Variants in SPRR2E observed in about 807,000 individuals in gnomAD.
SPRR2E encodes small proline-rich protein 2E.
For synonymous variants in SPRR2E, 20 were observed against 32.2 expected (o/e 0.62, Z 1.28); for missense variants, 68 against 87.1 (o/e 0.78, Z 0.87).
In SPRR2E at chr1:153,093,482, G is replaced by C. The variant is rs748356877; in HGVS notation, c.*51C>G. Reference sequence around the variant, plus strand: ...AGATGCAGGTGAAGCTGTGGAACAAGGTGAGCCAATTATCCTTATCCTTTC... The same window carrying C: ...AGATGCAGGTGAAGCTGTGGAACAACGTGAGCCAATTATCCTTATCCTTTC... On this transcript the variant is annotated 3_prime_UTR_variant, in exon 2 of 2. Transcript: ENST00000368750. The C allele has an allele frequency of 3.8e-6, 6 of 1,586,170 alleles. No individual in the cohort carries two copies. The highest frequency in any genetic ancestry group is 5.1e-6 in the Non-Finnish European group (6 of 1,165,768).
chr1:153,093,808 C>A (rs1211831902), intron 1 of SPRR2E, 38 bp from the exon 2 acceptor site: 12 of 1,609,644 alleles, frequency 7.5e-6, no homozygotes, highest in African/African-American at 4.0e-5. Flanking sequence ...CAGGAATGGA[C>A]TCCTCCAGAG....
chr1:153,093,496 C>T lies in SPRR2E; in HGVS notation c.*37G>A. 2 of 1,600,982 alleles carry T rather than the reference C, an allele frequency of 1.2e-6. No homozygotes were observed. Among genetic ancestry groups the T allele is most frequent in the Non-Finnish European group, 1.7e-6 (2 of 1,174,092 alleles). On this transcript the variant is annotated 3_prime_UTR_variant, in exon 2 of 2. Coordinates refer to ENST00000368750, the MANE Select transcript of SPRR2E (RefSeq NM_001024209.4). The stretch of plus-strand genomic sequence containing the variant: ...CTGTGGAACAAGGTGAGCCAATTAT[C>T]CTTATCCTTTCATGCTCCTGATGAA...
chr1:153,094,015 A>G (rs1370311922), intron 1 of SPRR2E, among the ~76,000 whole-genome samples: 3 of 152,242 alleles, frequency 2.0e-5, no homozygotes, highest in Non-Finnish European at 4.4e-5. Context: ...TAAAGAAGCA[A>G]GCATGTTATT....
chr1:153,093,509 T>A lies in SPRR2E; in HGVS notation c.*24A>T. On this transcript the variant is annotated 3_prime_UTR_variant, in exon 2 of 2. Coordinates refer to ENST00000368750, the MANE Select transcript of SPRR2E (RefSeq NM_001024209.4). Reference sequence around the variant, plus strand: ...TGAGCCAATTATCCTTATCCTTTCATGCTCCTGATGAATTCTGAAGCTGTT... The same window carrying A: ...TGAGCCAATTATCCTTATCCTTTCAAGCTCCTGATGAATTCTGAAGCTGTT... 6.2e-7 allele frequency: 1 copy of A among 1,608,000 alleles called. No individual in the cohort carries two copies. The highest frequency in any genetic ancestry group is 1.1e-5 in the South Asian group (1 of 90,060).
Position 153,093,646 on chromosome 1 carries a change from A to C in SPRR2E, c.106T>G (p.Cys36Gly), listed in dbSNP as rs753006798. ...GGCTGTGGACACTTTGGTGGTGGGCAGGGCTCAGGGCACTTCGGGGGTGGA... is the reference window on the plus strand; with the variant it reads ...GGCTGTGGACACTTTGGTGGTGGGCCGGGCTCAGGGCACTTCGGGGGTGGA... ...PCPPPKCPEP[C>G]PPPKCPQPCP... Residue 36 changes from cysteine to glycine, a missense_variant, in exon 2 of 2, where the codon TGC (cysteine) becomes GGC (glycine). Cys to Gly is a radical substitution (Grantham distance 159). Coordinates refer to ENST00000368750, the MANE Select transcript of SPRR2E (RefSeq NM_001024209.4). The C allele has an allele frequency of 3.7e-6, 6 of 1,612,310 alleles. No homozygotes were observed. In the African/African-American group the frequency reaches 8.0e-5, roughly 22 times the overall value.
rs151014790 is a variant in SPRR2E at position 153,093,890 on chromosome 1, A to G, written c.-19-120T>C. ...TCTCCAAAAATTTATTTAAACTCTT[A>G]GCTCTCTTTTCATGACTTCCTGTCT... On this transcript the variant is annotated intron_variant, in intron 1 of 1. Transcript: ENST00000368750. The G allele has an allele frequency of 8.7e-3, 11,581 of 1,331,428 alleles. 77 individuals carry two copies. The highest frequency in any genetic ancestry group is 0.01 in the Non-Finnish European group (10,139 of 999,120). The allele number at this position is 1,331,428 out of a possible 1,614,324, so 82.5% of individuals were successfully genotyped here. A position where few individuals can be genotyped will look rare whatever the true frequency, so the allele number is the denominator to read the frequency against.
rs764806422 is a variant in SPRR2E, at chr1:153,093,605, C to T, written c.147G>A (p.Gln49=). The T allele has an allele frequency of 6.2e-7, 1 of 1,612,680 alleles. No individual in the cohort carries two copies. The highest frequency in any genetic ancestry group is 8.5e-7 in the Non-Finnish European group (1 of 1,179,836). ...TCACAGGAGGACATTTTTGCTGGCA[C>T]TGCTGAGGTGGGCAGGGCTGTGGAC... ...PKCPQPCPPQ[Q]CQQKCPPVTP... The change falls in exon 2 of 2, where the codon CAG becomes CAA. Residue 49 remains glutamine, a synonymous_variant. Transcript: ENST00000368750.
intron 1 of SPRR2E, 129 bp downstream of exon 1, chr1:153,094,355 T>C (rs1417712714): frequency 6.3e-6 from 1 of 157,848 alleles, no homozygotes; most frequent in Non-Finnish European, 1.4e-5. Flanking sequence ...AATCTAATCC[T>C]GTAGTTCCAT....
At chr1:153,094,032 A>G (rs1655162771) in intron 1 of SPRR2E, among the ~76,000 whole-genome samples, 1 of 152,258 alleles carries the variant, frequency 6.6e-6, no homozygotes, top group Non-Finnish European at 1.5e-5. Flanking sequence ...TATTCCATGA[A>G]AATGACATCT....
intron 1 of SPRR2E, among the ~76,000 whole-genome samples, chr1:153,094,224 T>C (rs187909573): frequency 1.2e-4 from 19 of 152,362 alleles, no homozygotes; most frequent in East Asian, 1.9e-4. Flanking sequence ...CAGGAAAATA[T>C]GGAAAAGAGA....
rs1005797130 is a variant in SPRR2E, at chr1:153,093,631, A to G, written c.121T>C (p.Cys41Arg). The G allele has an allele frequency of 2.5e-5, 40 of 1,612,340 alleles. No homozygotes were observed. The highest frequency in any genetic ancestry group is 3.2e-5 in the Non-Finnish European group (38 of 1,179,846). ...KCPEPCPPPK[C>R]PQPCPPQQCQ... ...TGCTGAGGTGGGCAGGGCTGTGGAC[A>G]CTTTGGTGGTGGGCAGGGCTCAGGG... Residue 41 changes from cysteine (C) to arginine (R), a missense_variant, in exon 2 of 2, where the codon TGT becomes CGT. Coordinates refer to ENST00000368750, the MANE Select transcript of SPRR2E (RefSeq NM_001024209.4).
chr1:153,093,347 A>C lies in SPRR2E; in HGVS notation c.*186T>G. ...TCTCAGTCTCCACCTGGACAGTGGC[A>C]ATATGGCAGCCTCAGAAAGGAAACC... On this transcript the variant is annotated 3_prime_UTR_variant, in exon 2 of 2. Coordinates refer to ENST00000368750, the MANE Select transcript of SPRR2E (RefSeq NM_001024209.4). 1 of 1,163,352 alleles carries C rather than the reference A, an allele frequency of 8.6e-7. No homozygotes were observed. Among genetic ancestry groups the C allele is most frequent in the East Asian group, 2.5e-5 (1 of 39,314 alleles). 72.1% of individuals were successfully genotyped at this position (1,163,352 alleles called of 1,614,324 possible).
rs550951734 is a variant in SPRR2E, at chr1:153,093,485, G to A, written c.*48C>T. On this transcript the variant is annotated 3_prime_UTR_variant, in exon 2 of 2. Coordinates refer to ENST00000368750, the MANE Select transcript of SPRR2E (RefSeq NM_001024209.4). ...TGCAGGTGAAGCTGTGGAACAAGGT[G>A]AGCCAATTATCCTTATCCTTTCATG... 1 of 1,588,380 alleles carries A rather than the reference G, an allele frequency of 6.3e-7. No individual in the cohort carries two copies. Among genetic ancestry groups the A allele is most frequent in the African/African-American group, 1.3e-5 (1 of 74,750 alleles).
Position 153,093,415 on chromosome 1 carries a change from G to A in SPRR2E, c.*118C>T, listed in dbSNP as rs1228472950. 2 of 1,514,108 alleles carry A rather than the reference G, an allele frequency of 1.3e-6. No homozygotes were observed. The allele number at this position is 1,514,108 out of a possible 1,614,324, so 93.8% of individuals were successfully genotyped here. On this transcript the variant is annotated 3_prime_UTR_variant, in exon 2 of 2. Transcript: ENST00000368750. ...ATCATGGGCAGATCACTGGCTAAGAGGAAAGAAGCTAACTGTGTATCCATG... is the reference window on the plus strand; with the variant it reads ...ATCATGGGCAGATCACTGGCTAAGAAGAAAGAAGCTAACTGTGTATCCATG...
chr1:153,093,854 T>G (rs1655158429), intron 1 of SPRR2E, 84 bp from the exon 2 acceptor site: 15 of 1,539,904 alleles, frequency 9.7e-6, no homozygotes, highest in Non-Finnish European at 1.3e-5. Flanking sequence ...CATGGCATAT[T>G]ATTTCTCCAA....
rs1655141886 is a variant in SPRR2E, at chr1:153,093,608, C to T, written c.144G>A (p.Gln48=). ...CAGGAGGACATTTTTGCTGGCACTGCTGAGGTGGGCAGGGCTGTGGACACT... is the reference window on the plus strand; with the variant it reads ...CAGGAGGACATTTTTGCTGGCACTGTTGAGGTGGGCAGGGCTGTGGACACT... ...PPKCPQPCPP[Q]QCQQKCPPVT... Residue 48 remains glutamine, a synonymous_variant, in exon 2 of 2, where the codon CAG becomes CAA. Coordinates refer to ENST00000368750, the MANE Select transcript of SPRR2E (RefSeq NM_001024209.4). The T allele has an allele frequency of 1.2e-6, 2 of 1,612,760 alleles. No individual in the cohort carries two copies. The highest frequency in any genetic ancestry group is 2.7e-5 in the African/African-American group (2 of 74,988).
rs760944309 is a variant in SPRR2E at position 153,093,700 on chromosome 1, A to G, written c.52T>C (p.Cys18Arg). ...GGCTCTGGGCACTTTGGCGTGGGGC[A>G]CACAGGAGGTGGCTGGCAGGGCTGC... is the stretch of plus-strand genomic sequence containing the variant. ...CKQPCQPPPV[C>R]PTPKCPEPCP... Residue 18 changes from cysteine to arginine, a missense_variant, in exon 2 of 2, where the codon TGC becomes CGC. Physicochemically the swap from Cys to Arg is radical, Grantham distance 180. Transcript: ENST00000368750. The G allele has an allele frequency of 2.5e-6, 4 of 1,612,150 alleles. No individual in the cohort carries two copies. In the South Asian group the frequency reaches 4.4e-5, roughly 18 times the overall value.
At position 153,093,348 on chromosome 1, in the gene SPRR2E, A is replaced by G. The variant is rs946650258; in HGVS notation, c.*185T>C. ...CTCAGTCTCCACCTGGACAGTGGCA[A>G]TATGGCAGCCTCAGAAAGGAAACCT... On this transcript the variant is annotated 3_prime_UTR_variant, in exon 2 of 2. Coordinates refer to ENST00000368750, the MANE Select transcript of SPRR2E (RefSeq NM_001024209.4). 52 of 1,172,136 alleles carry G rather than the reference A, an allele frequency of 4.4e-5. 2 individuals are homozygous for G. Among genetic ancestry groups the G allele is most frequent in the South Asian group, 1.1e-4 (7 of 62,410 alleles). The allele number at this position is 1,172,136 out of a possible 1,614,324, so 72.6% of individuals were successfully genotyped here.
intron 1 of SPRR2E, among the ~76,000 whole-genome samples, chr1:153,094,208 G>A (rs1655166062): frequency 6.6e-6 from 1 of 152,194 alleles, no homozygotes; most frequent in Admixed American, 6.5e-5. Context: ...CCTTTGAAAA[G>A]GATACCAGGA....
Sources: gnomAD v4.1 joint callset for allele counts (sites outside exome capture counted in the v4.1 genomes callset) on GRCh38, gnomAD v4.1.1 for gene constraint, MANE v1.5 for transcripts, NCBI Gene and HGNC (gene_info 2026-07-23, HGNC 2026-07-21) for gene names.